Variants in HSF5 observed in about 807,000 individuals in gnomAD.
HSF5 encodes heat shock transcription factor 5.
HSF5 carries 5 observed loss-of-function variants against 50.8 expected under a neutral mutation model. That is an observed-to-expected ratio of 0.10 (90% CI 0.05 to 0.21). HSF5 has a LOEUF of 0.21. HSF5 is among the 10% of genes least tolerant of loss of function. The pLI, the probability that HSF5 is intolerant of heterozygous loss-of-function variation, is 1.00. For synonymous variants in HSF5, 307 were observed against 307.4 expected (o/e 1.00, Z 0.02); for missense variants, 564 against 762.6 (o/e 0.74, Z 3.07).
chr17:58,458,164 A>G (rs969391917), intron 5 of HSF5, among the ~76,000 whole-genome samples: 3 of 152,196 alleles, frequency 2.0e-5, no homozygotes, highest in East Asian at 1.9e-4. Flanking sequence ...TATGAGACAC[A>G]TGTTTTATTA....
At position 58,421,692 on chromosome 17, in the gene HSF5, A is replaced by G. The variant is rs542292932; in HGVS notation, c.*668T>C. On this transcript the variant is annotated 3_prime_UTR_variant, in exon 6 of 6. Transcript: ENST00000323777. ...ATCATTAAAATTAAAGAAAGATATGAAAATAGAAGAATGCTTCCATTAATA... is the reference window on the plus strand; with the variant it reads ...ATCATTAAAATTAAAGAAAGATATGGAAATAGAAGAATGCTTCCATTAATA... The G allele has an allele frequency of 2.0e-5, 3 of 152,518 alleles. No homozygotes were observed. Among genetic ancestry groups the G allele is most frequent in the Non-Finnish European group, 4.4e-5 (3 of 68,042 alleles). 9.4% of individuals were successfully genotyped at this position (152,518 alleles called of 1,614,324 possible). A position where few individuals can be genotyped will look rare whatever the true frequency, so the allele number is the denominator to read the frequency against.
intron 5 of HSF5, among the ~76,000 whole-genome samples, chr17:58,440,598 A>G (rs1422426921): frequency 6.6e-6 from 1 of 152,224 alleles, no homozygotes; most frequent in Non-Finnish European, 1.5e-5. Flanking sequence ...GGGAGTAGCC[A>G]CTGTGGTTGA....
At chr17:58,469,905 A>G (rs1308788811) in intron 2 of HSF5, among the ~76,000 whole-genome samples, 2 of 152,220 alleles carry the variant, frequency 1.3e-5, no homozygotes, top group African/African-American at 4.8e-5. Flanking sequence ...CAGAGTTACT[A>G]AAAATTATTG....
Position 58,462,841 on chromosome 17 carries a change from T to C in HSF5, c.1483A>G (p.Asn495Asp), listed in dbSNP as rs777706519. The C allele has an allele frequency of 3.7e-6, 6 of 1,613,990 alleles. No individual in the cohort carries two copies. The highest frequency in any genetic ancestry group is 3.3e-5 in the South Asian group (3 of 91,072). ...HVKLKEHLNHNPSPSSVVFVQ... is the reference protein window; with the variant it reads ...HVKLKEHLNHDPSPSSVVFVQ... ...AATACTACTGAAGATGGAGATGGAT[T>C]ATGATTTAGGTGCTCCTTCAGTTTG... is the stretch of plus-strand genomic sequence containing the variant. The change falls in exon 4 of 6, where the codon AAT (asparagine) becomes GAT (aspartate). Residue 495 changes from asparagine to aspartate, a missense_variant. Physicochemically the swap from Asn to Asp is conservative, Grantham distance 23. This residue lies in a region of HSF5 where 441 missense variants were observed against 533.6 expected (regional missense o/e 0.83). Transcript: ENST00000323777.
chr17:58,470,680 C>T (rs367814356), intron 2 of HSF5, among the ~76,000 whole-genome samples: 261 of 152,300 alleles, frequency 1.7e-3, no homozygotes, highest in African/African-American at 6.0e-3. Context: ...GTAATCCCAG[C>T]ACTTTGGGAG....
intron 5 of HSF5, 110 bp downstream of exon 5, chr17:58,458,658 G>T: frequency 1.2e-6 from 1 of 805,548 alleles, no homozygotes; most frequent in Non-Finnish European, 1.9e-6. Flanking sequence ...CAATGTGACA[G>T]GTCTAATACA....
intron 5 of HSF5, among the ~76,000 whole-genome samples, chr17:58,455,875 C>T (rs929594132): frequency 6.6e-6 from 1 of 151,968 alleles, no homozygotes; most frequent in African/African-American, 2.4e-5. Flanking sequence ...CTCTTATATG[C>T]TATTTGTAGG....
intron 5 of HSF5, among the ~76,000 whole-genome samples, chr17:58,438,249 C>T (rs141589207): frequency 4.6e-5 from 7 of 152,138 alleles, no homozygotes; most frequent in Non-Finnish European, 8.8e-5. Context: ...ATTACAATTG[C>T]TTACAATATT....
intron 5 of HSF5, among the ~76,000 whole-genome samples, chr17:58,438,014 A>T (rs1292003150): frequency 1.3e-5 from 2 of 152,134 alleles, no homozygotes; most frequent in African/African-American, 4.8e-5. Context: ...ACGAATTTAC[A>T]TTCCAATTAC....
intron 5 of HSF5, among the ~76,000 whole-genome samples, chr17:58,455,585 G>T (rs966596985): frequency 4.0e-5 from 6 of 151,698 alleles, no homozygotes; most frequent in Admixed American, 3.3e-4. Flanking sequence ...TTGACAAAAG[G>T]TTAATATGCA....
chr17:58,472,308 C>CGA (rs1974958598), intron 2 of HSF5, among the ~76,000 whole-genome samples: 2 of 151,938 alleles, frequency 1.3e-5, no homozygotes, highest in Admixed American at 6.6e-5. Context: ...CTGTACCCCC[C>CGA]CCAAAAAAAG....
chr17:58,473,889 G>C (rs1456189635), intron 2 of HSF5, among the ~76,000 whole-genome samples: 1 of 151,466 alleles, frequency 6.6e-6, no homozygotes, highest in Admixed American at 6.6e-5. Context: ...TTTGAGACAA[G>C]GTCTTGCTCG....
intron 5 of HSF5, among the ~76,000 whole-genome samples, chr17:58,428,723 T>G (rs977935145): frequency 2.6e-5 from 4 of 152,064 alleles, no homozygotes; most frequent in Admixed American, 1.3e-4. Flanking sequence ...AATAATAATT[T>G]TTAAAAAAGG....
intron 4 of HSF5, among the ~76,000 whole-genome samples, chr17:58,460,748 A>C (rs1567913152): frequency 6.6e-6 from 1 of 151,556 alleles, no homozygotes; most frequent in Non-Finnish European, 1.5e-5. Context: ...TGACCTCATG[A>C]TCTGTCCGCC....
chr17:58,454,851 A>T (rs1350439900), intron 5 of HSF5, among the ~76,000 whole-genome samples: 2 of 152,232 alleles, frequency 1.3e-5, no homozygotes, highest in Non-Finnish European at 2.9e-5. Flanking sequence ...AAATGGAAGG[A>T]TATCGCATGT....
intron 5 of HSF5, among the ~76,000 whole-genome samples, chr17:58,438,095 A>C (rs1311515802): frequency 6.6e-6 from 1 of 152,200 alleles, no homozygotes; most frequent in African/African-American, 2.4e-5. Context: ...AAGTTTTGCC[A>C]ATCAAATTGC....
intron 5 of HSF5, among the ~76,000 whole-genome samples, chr17:58,442,199 C>T (rs902903715): frequency 6.6e-6 from 1 of 152,186 alleles, no homozygotes; most frequent in Non-Finnish European, 1.5e-5. Flanking sequence ...TTTACCTCTT[C>T]TTCCATGGTG....
intron 5 of HSF5, among the ~76,000 whole-genome samples, chr17:58,429,611 C>A (rs1424424141): frequency 6.6e-6 from 1 of 152,030 alleles, no homozygotes; most frequent in Admixed American, 6.6e-5. Context: ...TTTGGGGAGG[C>A]CGAAGTGGAT....
intron 5 of HSF5, among the ~76,000 whole-genome samples, chr17:58,455,625 A>C (rs1190048207): frequency 6.6e-6 from 1 of 152,156 alleles, no homozygotes; most frequent in Admixed American, 6.5e-5. Flanking sequence ...GCAACTCAGA[A>C]GCAAAACAAA....
Sources: allele counts gnomAD v4.1 joint callset (sites outside exome capture counted in the v4.1 genomes callset), GRCh38; gene constraint gnomAD v4.1.1; regional missense constraint gnomAD v4.1.1; transcripts MANE v1.5; gene names NCBI Gene and HGNC (gene_info 2026-07-23, HGNC 2026-07-21).